TRIML1: variants seen among roughly 807,000 people sequenced by gnomAD.
TRIML1 encodes the protein tripartite motif family like 1.
Under a neutral mutation model 32.3 loss-of-function variants are expected in TRIML1, and 34 were observed. The ratio of observed to expected loss-of-function variants is 1.05; its 90% CI spans 0.80 to 1.40. The LOEUF is 1.40. TRIML1 is among the 40% of genes most tolerant of loss of function. The probability of loss-of-function intolerance (pLI) is 0.00; values close to 1 mark genes in which losing one functional copy is unlikely to be tolerated. For missense variants in TRIML1, 595 were observed against 574.9 expected (o/e 1.03, Z -0.36); for synonymous variants, 244 against 226.6 (o/e 1.08, Z -0.69).
rs1734816697 is a variant in TRIML1 at position 188,140,566 on chromosome 4, G to T, written c.447G>T (p.Arg149Ser). The part of the protein sequence containing the change: ...LQEILNLLRV[R>S]RKEAQAVLTH... ...AAATCCTGAATCTTTTGCGTGTAAG[G>T]AGAAAGGAAGCTCAGGCTGTACTAA... The change falls in exon 2 of 6, where the codon AGG becomes AGT. Residue 149 changes from arginine (R) to serine (S), a missense_variant. Coordinates refer to ENST00000332517, the MANE Select transcript of TRIML1 (RefSeq NM_178556.5). 1 of 1,614,122 alleles carries T rather than the reference G, an allele frequency of 6.2e-7. No individual in the cohort carries two copies. The highest frequency in any genetic ancestry group is 1.3e-5 in the African/African-American group (1 of 75,044).
intron 5 of TRIML1, among the ~76,000 whole-genome samples, chr4:188,144,936 C>T (rs1264322396): frequency 3.3e-5 from 5 of 152,080 alleles, no homozygotes; most frequent in Admixed American, 3.3e-4. Flanking sequence ...AGGAAGAGGC[C>T]TAATGAGCTT....
At chr4:188,150,091 AC>A (rs1351544129), downstream of TRIML1, among the ~76,000 whole-genome samples, 10 of 151,962 alleles carry the variant, frequency 6.6e-5, no homozygotes, top group Non-Finnish European at 1.3e-4. Flanking sequence ...GACGTGAGCC[AC>A]CGCGCCCGGC....
upstream of TRIML1, among the ~76,000 whole-genome samples, chr4:188,138,059 A>G (rs1734716924): frequency 6.6e-6 from 1 of 151,830 alleles, no homozygotes; most frequent in Non-Finnish European, 1.5e-5. Context: ...TCTTTACAGT[A>G]GTATAACTCT....
intron 5 of TRIML1, among the ~76,000 whole-genome samples, chr4:188,145,856 T>G (rs540331442): frequency 2.0e-5 from 3 of 152,188 alleles, no homozygotes; most frequent in African/African-American, 7.2e-5. Flanking sequence ...CATATGTGAC[T>G]GTCGGTTCAC....
Position 188,145,968 on chromosome 4 carries a change from A to G in TRIML1, c.857-854A>G, listed in dbSNP as rs116569529. 8.0e-3 allele frequency among the ~76,000 whole-genome samples: 1,217 copies of G among 152,242 alleles called. 12 individuals carry two copies. Among genetic ancestry groups the G allele is most frequent in the African/African-American group, 0.026 (1,093 of 41,542 alleles). On this transcript the variant is annotated intron_variant, in intron 5 of 5. Transcript: ENST00000332517. ...TGAAAAAGGCTGATTAGGGATTGTG[A>G]TTTGTGATTTGAACACTCAGTAACC...
chr4:188,143,936 G>A lies in TRIML1; in HGVS notation c.758+76G>A, dbSNP rs1734957732. 6 of 1,608,936 alleles carry A rather than the reference G, an allele frequency of 3.7e-6. No homozygotes were observed. In the South Asian group the frequency reaches 4.4e-5, roughly 12 times the overall value. ...GATGGACAGTTCTGAGTGGGGATAGGAGGTCTGCGCTGTTGCTGGGGGAGA... is the reference window on the plus strand; with the variant it reads ...GATGGACAGTTCTGAGTGGGGATAGAAGGTCTGCGCTGTTGCTGGGGGAGA... On this transcript the variant is annotated intron_variant, in intron 4 of 5. Coordinates refer to ENST00000332517, the MANE Select transcript of TRIML1 (RefSeq NM_178556.5).
chr4:188,145,624 A>G (rs1460844068), intron 5 of TRIML1, among the ~76,000 whole-genome samples: 5 of 151,666 alleles, frequency 3.3e-5, no homozygotes, highest in Non-Finnish European at 7.4e-5. Context: ...GGAGTTTGAG[A>G]CCAGCCTGGC....
chr4:188,140,451 G>A lies in TRIML1; in HGVS notation c.409-77G>A, dbSNP rs114125342. The A allele has an allele frequency of 2.8e-3, 3,188 of 1,154,470 alleles. 52 individuals are homozygous for A. In the African/African-American group the frequency reaches 0.042, roughly 15 times the overall value. The allele number at this position is 1,154,470 out of a possible 1,614,324, so 71.5% of individuals were successfully genotyped here. A position where few individuals can be genotyped will look rare whatever the true frequency, so the allele number is the denominator to read the frequency against. Reference sequence around the variant, plus strand: ...CTTTGTTTTAGAGGCCTAGGACTGCGCAGTTACTGGTCTTCAAAGCCCCTT... The same window carrying A: ...CTTTGTTTTAGAGGCCTAGGACTGCACAGTTACTGGTCTTCAAAGCCCCTT... On this transcript the variant is annotated intron_variant, in intron 1 of 5. Coordinates refer to ENST00000332517, the MANE Select transcript of TRIML1 (RefSeq NM_178556.5).
In TRIML1 at chr4:188,147,180, T is replaced by C. The variant is rs148984260; in HGVS notation, c.1215T>C (p.Cys405=). The change falls in exon 6 of 6, where the codon TGT becomes TGC. Residue 405 remains cysteine, a synonymous_variant. Coordinates refer to ENST00000332517, the MANE Select transcript of TRIML1 (RefSeq NM_178556.5). ...GTCAGCACGTCAGAGAGCCTGTGTG[T>C]AAGGTTGGTGTCTTCCTGGACTATG... ...LKGQHVREPV[C]KVGVFLDYES... 4.3e-6 allele frequency: 7 copies of C among 1,613,874 alleles called. No homozygotes were observed. The highest frequency in any genetic ancestry group is 5.9e-6 in the Non-Finnish European group (7 of 1,179,982).
chr4:188,147,974 G>A (rs1281798270), downstream of TRIML1, among the ~76,000 whole-genome samples: 1 of 152,132 alleles, frequency 6.6e-6, no homozygotes, highest in Non-Finnish European at 1.5e-5. Context: ...TGTGAATGTC[G>A]TCATACCATT....
chr4:188,143,622 A>C (rs955454690), intron 3 of TRIML1: 3 of 635,834 alleles, frequency 4.7e-6, no homozygotes, highest in Non-Finnish European at 8.4e-6. Flanking sequence ...AAAAGGACAA[A>C]GTATTCTCTA....
In TRIML1 at chr4:188,139,802, C is replaced by T. The variant is rs758681494; in HGVS notation, c.244C>T (p.Arg82Trp). The change falls in exon 1 of 6, where the codon CGG becomes TGG. Residue 82 changes from arginine to tryptophan, a missense_variant. Transcript: ENST00000332517. Reference protein sequence around the residue: ...GRLASIARQLRSQVLQSEDEQ... With the variant: ...GRLASIARQLWSQVLQSEDEQ... Reference sequence around the variant, plus strand: ...GCTGGCCAGCATCGCCAGGCAGCTCCGGTCCCAGGTGCTGCAGAGCGAGGA... The same window carrying T: ...GCTGGCCAGCATCGCCAGGCAGCTCTGGTCCCAGGTGCTGCAGAGCGAGGA... 20 of 1,613,794 alleles carry T rather than the reference C, an allele frequency of 1.2e-5. No individual in the cohort carries two copies. The highest frequency in any genetic ancestry group is 8.9e-5 in the East Asian group (4 of 44,886).
upstream of TRIML1, among the ~76,000 whole-genome samples, chr4:188,137,693 TCTCGAA>T (rs1734702763): frequency 6.6e-6 from 1 of 150,968 alleles, no homozygotes; most frequent in South Asian, 2.1e-4. Flanking sequence ...GCCAGGCTGG[TCTCGAA>T]CTCCCGACCT....
chr4:188,141,726 G>T (rs377614273), intron 2 of TRIML1, among the ~76,000 whole-genome samples: 16 of 152,038 alleles, frequency 1.1e-4, no homozygotes, highest in African/African-American at 3.9e-4. Flanking sequence ...TGTATCTATA[G>T]CGCACATACC....
In TRIML1 at chr4:188,142,607, T is replaced by A. The variant is rs565196134; in HGVS notation, c.735+125T>A. 44 of 715,366 alleles carry A rather than the reference T, an allele frequency of 6.2e-5. No homozygotes were observed. In the East Asian group the frequency reaches 1.1e-3, roughly 18 times the overall value. The allele number at this position is 715,366 out of a possible 1,614,324, so 44.3% of individuals were successfully genotyped here. On this transcript the variant is annotated intron_variant, in intron 3 of 5. Coordinates refer to ENST00000332517, the MANE Select transcript of TRIML1 (RefSeq NM_178556.5). Reference sequence around the variant, plus strand: ...AGTTCTGGTCCAAAAGTAGTTTTCCTAAAGAATTGACATTCTATATGTCAA... The same window carrying A: ...AGTTCTGGTCCAAAAGTAGTTTTCCAAAAGAATTGACATTCTATATGTCAA...
chr4:188,144,007 G>C (rs748869879), intron 4 of TRIML1, 29 bp from the exon 5 acceptor site: 9 of 1,611,928 alleles, frequency 5.6e-6, no homozygotes, highest in Admixed American at 1.7e-5. Flanking sequence ...GGTCTGTGCC[G>C]AGGAGTGAAC....
chr4:188,150,440 G>A (rs1277349647), downstream of TRIML1, among the ~76,000 whole-genome samples: 2 of 152,238 alleles, frequency 1.3e-5, no homozygotes, highest in East Asian at 3.9e-4. Context: ...CCACTTATTA[G>A]ACAGATTTTA....
At position 188,147,535 on chromosome 4, in the gene TRIML1, A is replaced by G. The variant is rs1735135831; in HGVS notation, c.*163A>G. 1 of 475,610 alleles carries G rather than the reference A, an allele frequency of 2.1e-6. No homozygotes were observed. Among genetic ancestry groups the G allele is most frequent in the Non-Finnish European group, 3.5e-6 (1 of 288,758 alleles). The allele number at this position is 475,610 out of a possible 1,614,324, so 29.5% of individuals were successfully genotyped here. On this transcript the variant is annotated 3_prime_UTR_variant, in exon 6 of 6. Coordinates refer to ENST00000332517, the MANE Select transcript of TRIML1 (RefSeq NM_178556.5). ...CCATTAACTTGATCCCATTATGAACAGCCACATTACACAATCAACTTCAAC... is the reference window on the plus strand; with the variant it reads ...CCATTAACTTGATCCCATTATGAACGGCCACATTACACAATCAACTTCAAC...
At position 188,144,363 on chromosome 4, in the gene TRIML1, C is replaced by CTTT. The variant is rs375672880; in HGVS notation, c.856+241_856+243dup. Among the ~76,000 whole-genome samples, 279 of 139,456 alleles carry CTTT rather than the reference C, an allele frequency of 2.0e-3. 3 individuals are homozygous for CTTT. Among genetic ancestry groups the CTTT allele is most frequent in the African/African-American group, 4.1e-3 (156 of 37,824 alleles). The allele number at this position is 139,456 out of a possible 152,430, so 91.5% of individuals were successfully genotyped here. On this transcript the variant is annotated intron_variant, in intron 5 of 5. Coordinates refer to ENST00000332517, the MANE Select transcript of TRIML1 (RefSeq NM_178556.5). ...TGGCTTTGTTTTCTGTCTAAAGGGT[C>CTTT]TTTTTTTTTTTTTCTTTGAGACGGA...
Sources: allele counts gnomAD v4.1 joint callset (sites outside exome capture counted in the v4.1 genomes callset), GRCh38; gene constraint gnomAD v4.1.1; transcripts MANE v1.5; gene names NCBI Gene and HGNC (gene_info 2026-07-23, HGNC 2026-07-21).